The following LYST variants were observed in gnomAD, a reference collection of about 807,000 sequenced individuals.
LYST encodes lysosomal-trafficking regulator.
LYST carries 192 observed loss-of-function variants against 413.6 expected under a neutral mutation model. That is an observed-to-expected ratio of 0.46 (90% CI 0.41 to 0.52). The LOEUF is 0.52. Ranked by LOEUF, LYST falls within the 20% of genes least tolerant of loss-of-function variation. The pLI, the probability that LYST is intolerant of heterozygous loss-of-function variation, is 0.00. For missense variants in LYST, 3,815 were observed against 4,499.9 expected (o/e 0.85, Z 4.35); for synonymous variants, 1,525 against 1,567.3 (o/e 0.97, Z 0.64).
At chr1:235,800,535 T>G (rs1248314356) in intron 9 of LYST, 149 bp from the exon 10 acceptor site, 1 of 612,380 alleles carries the variant, frequency 1.6e-6, no homozygotes, top group African/African-American at 1.9e-5. Context: ...ATGTGTAGGA[T>G]TATACTAATT....
At chr1:235,722,403 G>A (rs994980949) in intron 39 of LYST, among the ~76,000 whole-genome samples, 1 of 152,208 alleles carries the variant, frequency 6.6e-6, no homozygotes, top group Non-Finnish European at 1.5e-5. Context: ...CAGAGAAATG[G>A]TAGTGAAGGG....
At chr1:235,867,536 TC>T (rs5781846), upstream of LYST, among the ~76,000 whole-genome samples, 69,293 of 151,976 alleles carry the variant, frequency 0.46, 17,271 homozygotes, top group African/African-American at 0.65. Context: ...TGGTGTATTT[TC>T]CAACCGACTC....
At chr1:235,676,924 G>A (rs1659424290) in intron 50 of LYST, among the ~76,000 whole-genome samples, 167 bp downstream of exon 50, 1 of 152,200 alleles carries the variant, frequency 6.6e-6, no homozygotes, top group African/African-American at 2.4e-5. Context: ...CTAAATTGAT[G>A]CACTCAGTCT....
chr1:235,756,473 T>C (rs1667061144), intron 24 of LYST, among the ~76,000 whole-genome samples: 1 of 152,120 alleles, frequency 6.6e-6, no homozygotes, highest in Non-Finnish European at 1.5e-5. Context: ...TTATTTCCCT[T>C]TATATACTAT....
At chr1:235,770,960 C>T (rs1668607115) in intron 19 of LYST, among the ~76,000 whole-genome samples, 1 of 152,068 alleles carries the variant, frequency 6.6e-6, no homozygotes, top group South Asian at 2.1e-4. Context: ...GAAAGATAAC[C>T]TTCCCTTCAT....
At chr1:235,680,472 A>G (rs371813222) in intron 48 of LYST, among the ~76,000 whole-genome samples, 102 of 152,196 alleles carry the variant, frequency 6.7e-4, no homozygotes, top group African/African-American at 2.4e-3. Flanking sequence ...ATGCTGCCCA[A>G]GCTGGTCTCA....
At chr1:235,818,122 T>G (rs1674375809) in intron 3 of LYST, among the ~76,000 whole-genome samples, 1 of 152,162 alleles carries the variant, frequency 6.6e-6, no homozygotes, top group Non-Finnish European at 1.5e-5. Context: ...ATGATTATTT[T>G]CATGATTATT....
intron 3 of LYST, chr1:235,827,954 G>T: frequency 4.5e-6 from 2 of 443,548 alleles, no homozygotes; most frequent in Non-Finnish European, 6.0e-6. Flanking sequence ...CTTAAAAATG[G>T]TACAAAACTT....
intron 31 of LYST, chr1:235,738,300 A>G: frequency 1.2e-6 from 2 of 1,611,802 alleles, no homozygotes; most frequent in Non-Finnish European, 1.7e-6. Context: ...GGCACATCGC[A>G]AGAGGGAGAA....
Position 235,806,724 on chromosome 1 carries a change from G to T in LYST, c.2412C>A (p.Ile804=), listed in dbSNP as rs1031547596. 12 of 1,612,800 alleles carry T rather than the reference G, an allele frequency of 7.4e-6. No individual in the cohort carries two copies. The highest frequency in any genetic ancestry group is 8.5e-6 in the Non-Finnish European group (10 of 1,179,076). ...GAATACCATTTAAGCAATTTAATTCGATTATTTGACTTACTCCATTACAAC... is the reference window on the plus strand; with the variant it reads ...GAATACCATTTAAGCAATTTAATTCTATTATTTGACTTACTCCATTACAAC... ...FLSCNGVSQI[I]ELNCLNGIRS... The change falls in exon 6 of 53, where the codon ATC becomes ATA. Residue 804 remains isoleucine, a synonymous_variant. Coordinates refer to ENST00000389793, the MANE Select transcript of LYST (RefSeq NM_000081.4).
In LYST at chr1:235,777,130, T is replaced by C. The variant is rs1669348177; in HGVS notation, c.5393A>G (p.Tyr1798Cys). The change falls in exon 17 of 53, where the codon TAT (tyrosine) becomes TGT (cysteine). Residue 1798 changes from tyrosine to cysteine, a missense_variant. Transcript: ENST00000389793. The part of the protein sequence containing the change: ...HHLKNLQPTE[Y>C]KTIQGILHEI... ...GTGCAGAATGCCTTGAATAGTTTTA[T>C]ATTCAGTAGGTTGGAGATTCTTTAG... 2.5e-6 allele frequency: 4 copies of C among 1,613,124 alleles called. No homozygotes were observed. Among genetic ancestry groups the C allele is most frequent in the South Asian group, 2.2e-5 (2 of 91,056 alleles).
chr1:235,760,162 T>A (rs948166685), intron 22 of LYST, among the ~76,000 whole-genome samples: 1 of 151,882 alleles, frequency 6.6e-6, no homozygotes, highest in African/African-American at 2.4e-5. Flanking sequence ...CTAGATATAA[T>A]TGGATTCAAA....
At position 235,702,924 on chromosome 1, in the gene LYST, C is replaced by A. The variant is rs113260282; in HGVS notation, c.10197G>T (p.Ala3399=). Residue 3399 remains alanine, a synonymous_variant, in exon 45 of 53, where the codon GCG becomes GCT. Coordinates refer to ENST00000389793, the MANE Select transcript of LYST (RefSeq NM_000081.4). ...SAVEDPVQRR[A]LETMIKTYGQ... is the part of the protein sequence containing the mutation. The stretch of plus-strand genomic sequence containing the variant: ...CGTAGGTTTTTATCATGGTTTCTAG[C>A]GCTCGTCTCTGAACTGGATCTTCAA... 18 of 1,614,118 alleles carry A rather than the reference C, an allele frequency of 1.1e-5. No individual in the cohort carries two copies. The South Asian group carries it at 1.8e-4, about 16-fold the overall frequency.
At chr1:235,784,341 G>C (rs1023970243) in intron 14 of LYST, among the ~76,000 whole-genome samples, 1 of 152,156 alleles carries the variant, frequency 6.6e-6, no homozygotes, top group African/African-American at 2.4e-5. Flanking sequence ...GCTGTAAGTT[G>C]GTGGGTAAAA....
At chr1:235,710,523 C>T (rs977320064) in intron 43 of LYST, among the ~76,000 whole-genome samples, 6 of 152,142 alleles carry the variant, frequency 3.9e-5, no homozygotes, top group Non-Finnish European at 8.8e-5. Context: ...CCAAAGCAGA[C>T]AACTGACATA....
chr1:235,858,870 G>C (rs569392984), intron 1 of LYST, among the ~76,000 whole-genome samples: 138 of 152,264 alleles, frequency 9.1e-4, no homozygotes, highest in African/African-American at 3.2e-3. Flanking sequence ...CAGGGAAGGG[G>C]AGTGGGAGCA....
At chr1:235,875,581 C>T (rs528298793) in intron 1 of LYST, among the ~76,000 whole-genome samples, 40 of 152,326 alleles carry the variant, frequency 2.6e-4, no homozygotes, top group Middle Eastern at 3.4e-3. Flanking sequence ...TGGAAGGAGT[C>T]CTGCCCCACA....
intron 47 of LYST, among the ~76,000 whole-genome samples, chr1:235,689,683 T>A (rs919045992): frequency 6.6e-6 from 1 of 152,222 alleles, no homozygotes; most frequent in African/African-American, 2.4e-5. Flanking sequence ...GCTAACTATG[T>A]GAGGTGACGA....
intron 38 of LYST, 127 bp downstream of exon 38, chr1:235,727,949 C>G (rs1195583382): frequency 2.8e-6 from 2 of 724,278 alleles, no homozygotes; most frequent in Non-Finnish European, 4.9e-6. Flanking sequence ...GGAACTCAGA[C>G]CAATCTATAC....
Sources: gnomAD v4.1 joint callset for allele counts (sites outside exome capture counted in the v4.1 genomes callset) on GRCh38, gnomAD v4.1.1 for gene constraint, MANE v1.5 for transcripts, NCBI Gene and HGNC (gene_info 2026-07-23, HGNC 2026-07-21) for gene names.